The following ZNF410 variants were observed in gnomAD, a reference collection of about 807,000 sequenced individuals.
The protein encoded by ZNF410 is zinc finger protein 410, also known as another partner for ARF 1.
ZNF410 carries 18 observed loss-of-function variants against 54.8 expected under a neutral mutation model. That is an observed-to-expected ratio of 0.33 (90% CI 0.23 to 0.49). ZNF410 has a LOEUF of 0.49. ZNF410 is among the 20% of genes least tolerant of loss of function. The pLI, the probability that ZNF410 is intolerant of heterozygous loss-of-function variation, is 0.99. For synonymous variants in ZNF410, 191 were observed against 207.3 expected (o/e 0.92, Z 0.68); for missense variants, 405 against 569.6 (o/e 0.71, Z 2.94).
intron 7 of ZNF410, among the ~76,000 whole-genome samples, chr14:73,908,356 G>T (rs2055524446): frequency 6.6e-6 from 1 of 151,708 alleles, no homozygotes; most frequent in African/African-American, 2.4e-5. Flanking sequence ...TGAAACATTT[G>T]ATCTTGTTAT....
intron 7 of ZNF410, among the ~76,000 whole-genome samples, chr14:73,906,906 T>C (rs72627128): frequency 6.6e-6 from 1 of 152,072 alleles, no homozygotes; most frequent in East Asian, 1.9e-4. Flanking sequence ...GTTCCTTCTC[T>C]TTTACTCAGT....
At chr14:73,891,960 G>C in intron 1 of ZNF410, 67 bp from the exon 2 acceptor site, 1 of 673,840 alleles carries the variant, frequency 1.5e-6, no homozygotes, top group East Asian at 2.8e-5. Context: ...GTAAAGAAGT[G>C]TCTTTATGTA....
chr14:73,894,314 C>T (rs1244908912), intron 3 of ZNF410: 3 of 701,764 alleles, frequency 4.3e-6, no homozygotes, highest in Non-Finnish European at 7.8e-6. Flanking sequence ...ACTGACAGGC[C>T]CAGTGAAATA....
chr14:73,915,463 G>A (rs184281342), intron 8 of ZNF410, among the ~76,000 whole-genome samples: 3 of 151,554 alleles, frequency 2.0e-5, no homozygotes, highest in South Asian at 2.1e-4. Context: ...TCAGCCTTCC[G>A]AGTAGTGGGG....
chr14:73,897,790 G>T, intron 4 of ZNF410, among the ~76,000 whole-genome samples: 1 of 151,982 alleles, frequency 6.6e-6, no homozygotes, highest in Non-Finnish European at 1.5e-5. Context: ...TGACCAACAT[G>T]GTGAAACCCC....
intron 4 of ZNF410, among the ~76,000 whole-genome samples, chr14:73,897,490 T>C (rs1192512362): frequency 6.6e-6 from 1 of 151,898 alleles, no homozygotes; most frequent in African/African-American, 2.4e-5. Flanking sequence ...GGGGGGATAA[T>C]TGAAGAATGA....
At chr14:73,917,507 A>G (rs2055685541) in intron 8 of ZNF410, among the ~76,000 whole-genome samples, 1 of 152,090 alleles carries the variant, frequency 6.6e-6, no homozygotes, top group Admixed American at 6.6e-5. Flanking sequence ...TAGTTCACAT[A>G]CCATAAGATT....
chr14:73,920,811 C>T (rs2055744394), intron 8 of ZNF410, 169 bp from the exon 9 acceptor site: 2 of 755,430 alleles, frequency 2.6e-6, no homozygotes, highest in Admixed American at 2.8e-5. Flanking sequence ...GTGTACTCTT[C>T]CTGCCTTCCC....
At position 73,898,245 on chromosome 14, in the gene ZNF410, C is replaced by G. The variant is rs766633737; in HGVS notation, c.563C>G (p.Ala188Gly). ...ACTCGTGCACAACTGGCAAAGAATGCAAAAACCAGCAGCAATGGTGAGGCC... is the reference window on the plus strand; with the variant it reads ...ACTCGTGCACAACTGGCAAAGAATGGAAAAACCAGCAGCAATGGTGAGGCC... ...AATRAQLAKN[A>G]KTSSNGENVH... Residue 188 changes from alanine to glycine, a missense_variant, in exon 5 of 12, where the codon GCA becomes GGA. Physicochemically the swap from Ala to Gly is moderately conservative, Grantham distance 60. This residue lies in a region of ZNF410 where 247 missense variants were observed against 342.8 expected (regional missense o/e 0.72). Transcript: ENST00000555044. The G allele has an allele frequency of 3.7e-6, 6 of 1,614,020 alleles. No individual in the cohort carries two copies. The highest frequency in any genetic ancestry group is 4.2e-6 in the Non-Finnish European group (5 of 1,179,946).
intron 6 of ZNF410, among the ~76,000 whole-genome samples, 196 bp from the exon 7 acceptor site, chr14:73,904,706 G>C (rs1477493508): frequency 6.6e-6 from 1 of 152,142 alleles, no homozygotes; most frequent in African/African-American, 2.4e-5. Flanking sequence ...TAATCTTCCT[G>C]CCTCAGCCTC....
At position 73,890,366 on chromosome 14, in the gene ZNF410, T is replaced by G. The variant is rs956094360; in HGVS notation, c.-149-1661T>G. Among the ~76,000 whole-genome samples, 10 of 151,998 alleles carry G rather than the reference T, an allele frequency of 6.6e-5. No homozygotes were observed. In the East Asian group the frequency reaches 2.0e-3, roughly 30 times the overall value. ...ACATGCCCGGCTAATTTTTGTATTTTTAGTAGAGACGGGGTTTCGCCATAT... is the reference window on the plus strand; with the variant it reads ...ACATGCCCGGCTAATTTTTGTATTTGTAGTAGAGACGGGGTTTCGCCATAT... On this transcript the variant is annotated intron_variant, in intron 1 of 11. Transcript: ENST00000555044.
intron 8 of ZNF410, among the ~76,000 whole-genome samples, chr14:73,911,077 G>T (rs1374483720): frequency 6.6e-6 from 1 of 152,174 alleles, no homozygotes; most frequent in Non-Finnish European, 1.5e-5. Context: ...CAATTAGAAT[G>T]AATAAAAGGA....
chr14:73,891,962 C>CT, intron 1 of ZNF410, 65 bp from the exon 2 acceptor site: 1 of 678,438 alleles, frequency 1.5e-6, no homozygotes, highest in Non-Finnish European at 2.7e-6. Flanking sequence ...AAAGAAGTGT[C>CT]TTTATGTACC....
chr14:73,917,852 A>G (rs1431356651), intron 8 of ZNF410, among the ~76,000 whole-genome samples: 1 of 152,110 alleles, frequency 6.6e-6, no homozygotes, highest in African/African-American at 2.4e-5. Flanking sequence ...GGGTGCAACT[A>G]AGTGATTTTT....
rs983023071 is a variant in ZNF410 at position 73,896,210 on chromosome 14, T to C, written c.170-106T>C. The C allele has an allele frequency of 8.0e-6, 6 of 754,716 alleles. No homozygotes were observed. The African/African-American group carries it at 8.8e-5, about 11-fold the overall frequency. The allele number at this position is 754,716 out of a possible 1,614,324, so 46.8% of individuals were successfully genotyped here. ...TTTGTGTAATGAGAATGCTGTCTGT[T>C]GCTATAAGGATGTTAGCTTCCAAGA... On this transcript the variant is annotated intron_variant, in intron 3 of 11. Coordinates refer to ENST00000555044, the MANE Select transcript of ZNF410 (RefSeq NM_021188.3).
intron 7 of ZNF410, among the ~76,000 whole-genome samples, chr14:73,905,964 CACACATATAT>C (rs1362360227): frequency 4.7e-4 from 47 of 100,630 alleles, no homozygotes; most frequent in Admixed American, 1.1e-3. Flanking sequence ...CACACACACA[CACACATATAT>C]ATATATATAT....
intron 5 of ZNF410, among the ~76,000 whole-genome samples, chr14:73,903,202 C>T (rs904576068): frequency 6.6e-6 from 1 of 152,166 alleles, no homozygotes; most frequent in African/African-American, 2.4e-5. Context: ...AATCTCGGCT[C>T]ACTGCAGCCT....
intron 8 of ZNF410, among the ~76,000 whole-genome samples, chr14:73,917,956 A>C (rs1020644070): frequency 3.3e-5 from 5 of 152,196 alleles, no homozygotes; most frequent in Admixed American, 3.3e-4. Flanking sequence ...CTCTTACATA[A>C]AATGGCATGG....
At chr14:73,889,080 C>A (rs1784291310) in intron 1 of ZNF410, among the ~76,000 whole-genome samples, 1 of 152,152 alleles carries the variant, frequency 6.6e-6, no homozygotes, top group South Asian at 2.1e-4. Flanking sequence ...ATTTTACAAT[C>A]CTGGAATCTC....
Sources: allele counts gnomAD v4.1 joint callset (sites outside exome capture counted in the v4.1 genomes callset), GRCh38; gene constraint gnomAD v4.1.1; regional missense constraint gnomAD v4.1.1; transcripts MANE v1.5; gene names NCBI Gene and HGNC (gene_info 2026-07-23, HGNC 2026-07-21).